The following CPQ variants were observed in gnomAD, a reference collection of about 807,000 sequenced individuals.
CPQ encodes the protein carboxypeptidase Q.
CPQ carries 37 observed loss-of-function variants against 45.7 expected under a neutral mutation model. That is an observed-to-expected ratio of 0.81 (90% CI 0.62 to 1.07). CPQ has a LOEUF of 1.07. CPQ is among the 50% of genes least tolerant of loss of function. The pLI, the probability that CPQ is intolerant of heterozygous loss-of-function variation, is 0.00. For missense variants in CPQ, 537 were observed against 572.9 expected (o/e 0.94, Z 0.64); for synonymous variants, 186 against 205.8 (o/e 0.90, Z 0.82).
At chr8:96,669,215 A>G (rs1280595344) in intron 1 of CPQ, among the ~76,000 whole-genome samples, 6 of 152,186 alleles carry the variant, frequency 3.9e-5, no homozygotes, top group Non-Finnish European at 7.3e-5. Flanking sequence ...CCTAATTGAC[A>G]ATAATGCACC....
intron 1 of CPQ, among the ~76,000 whole-genome samples, chr8:96,685,986 C>T (rs1206898928): frequency 1.3e-5 from 2 of 152,024 alleles, no homozygotes; most frequent in Non-Finnish European, 2.9e-5. Flanking sequence ...TTAATGCAAT[C>T]TATTCTTACT....
chr8:96,879,826 G>T lies in CPQ; in HGVS notation c.670G>T (p.Asp224Tyr). ...TCACACAGGTATTCAGGAATACCAG[G>T]ATGGCGTGCCCAAGATTCCAACAGC... ...SPHTGIQEYQ[D>Y]GVPKIPTACI... The change falls in exon 4 of 8, where the codon GAT becomes TAT. Residue 224 changes from aspartate (D) to tyrosine (Y), a missense_variant. Physicochemically the swap from Asp to Tyr is radical, Grantham distance 160. Coordinates refer to ENST00000220763, the MANE Select transcript of CPQ (RefSeq NM_016134.4). The T allele has an allele frequency of 1.2e-6, 2 of 1,614,038 alleles. No homozygotes were observed. Among genetic ancestry groups the T allele is most frequent in the Non-Finnish European group, 1.7e-6 (2 of 1,179,962 alleles).
At chr8:96,861,171 T>C (rs577343677) in intron 3 of CPQ, among the ~76,000 whole-genome samples, 167 of 152,246 alleles carry the variant, frequency 1.1e-3, no homozygotes, top group Middle Eastern at 6.8e-3. Context: ...ATAAATTGTC[T>C]AGATTGTACT....
At chr8:97,103,263 T>A (rs1376067161) in intron 7 of CPQ, among the ~76,000 whole-genome samples, 1 of 152,222 alleles carries the variant, frequency 6.6e-6, no homozygotes, top group Non-Finnish European at 1.5e-5. Flanking sequence ...TGGGGATCAT[T>A]ATTCAACTTA....
chr8:97,000,121 A>G (rs1423635660), intron 5 of CPQ, among the ~76,000 whole-genome samples: 2 of 151,382 alleles, frequency 1.3e-5, no homozygotes, highest in African/African-American at 4.8e-5. Context: ...TAAGTTCCTT[A>G]TAGATGCTGG....
chr8:97,094,427 C>T (rs543097278), intron 7 of CPQ, among the ~76,000 whole-genome samples: 3 of 152,220 alleles, frequency 2.0e-5, no homozygotes, highest in East Asian at 1.9e-4. Flanking sequence ...GATCAATTCA[C>T]TCCTCTACCT....
intron 2 of CPQ, among the ~76,000 whole-genome samples, chr8:96,815,180 C>G (rs1351587921): frequency 6.6e-6 from 1 of 151,416 alleles, no homozygotes; most frequent in African/African-American, 2.4e-5. Flanking sequence ...GTGAATTTAA[C>G]CTGAACAAAG....
intron 6 of CPQ, among the ~76,000 whole-genome samples, chr8:97,054,437 AAAG>A (rs1209028041): frequency 1.3e-5 from 2 of 152,200 alleles, no homozygotes; most frequent in African/African-American, 2.4e-5. Flanking sequence ...GCCCAAAGGA[AAAG>A]AAGTCATTAT....
chr8:96,846,124 CT>C (rs1014297677), intron 3 of CPQ, among the ~76,000 whole-genome samples: 3 of 152,262 alleles, frequency 2.0e-5, no homozygotes, highest in African/African-American at 4.8e-5. Flanking sequence ...AGCCTCCTAA[CT>C]TTTTTTAAGG....
intron 1 of CPQ, among the ~76,000 whole-genome samples, chr8:96,740,674 G>T (rs1300670400): frequency 6.6e-6 from 1 of 151,266 alleles, no homozygotes; most frequent in Non-Finnish European, 1.5e-5. Context: ...TAGCATGAAG[G>T]GTTGTTGAAT....
chr8:97,134,796 T>C (rs1812021335), intron 7 of CPQ, among the ~76,000 whole-genome samples: 1 of 152,202 alleles, frequency 6.6e-6, no homozygotes, highest in African/African-American at 2.4e-5. Flanking sequence ...TACTAAAATC[T>C]ATTTTCCATC....
chr8:96,702,332 G>C (rs995478156), intron 1 of CPQ, among the ~76,000 whole-genome samples: 2 of 152,064 alleles, frequency 1.3e-5, no homozygotes, highest in Non-Finnish European at 2.9e-5. Flanking sequence ...TGGGCCTCCC[G>C]AAGGCCCGAG....
chr8:97,095,257 G>T (rs1425114653), intron 7 of CPQ, among the ~76,000 whole-genome samples: 1 of 152,084 alleles, frequency 6.6e-6, no homozygotes, highest in African/African-American at 2.4e-5. Flanking sequence ...CATGTCTGAA[G>T]CCAAACTTCT....
intron 3 of CPQ, among the ~76,000 whole-genome samples, chr8:96,864,468 GTC>G (rs1811970861): frequency 6.6e-6 from 1 of 152,024 alleles, no homozygotes; most frequent in South Asian, 2.1e-4. Context: ...CTCATCAGAA[GTC>G]TAAAGGGGCA....
At position 96,835,145 on chromosome 8, in the gene CPQ, T is replaced by C. The variant is rs376994894; in HGVS notation, c.606T>C (p.Ser202=). The C allele has an allele frequency of 1.3e-6, 2 of 1,554,548 alleles. No individual in the cohort carries two copies. The highest frequency in any genetic ancestry group is 2.4e-5 in the East Asian group (1 of 41,814). ...CTGCCAAGGTGGGGGCTTTGGCATC[T>C]CTCATTCGATCCGTGGCCTCCTTCT... ...VEAAKVGALA[S]LIRSVASFSI... is the part of the protein sequence containing the mutation. Residue 202 remains serine, a synonymous_variant, in exon 3 of 8, where the codon TCT becomes TCC. Coordinates refer to ENST00000220763, the MANE Select transcript of CPQ (RefSeq NM_016134.4).
At chr8:96,813,939 C>T (rs547899786) in intron 2 of CPQ, among the ~76,000 whole-genome samples, 1 of 152,062 alleles carries the variant, frequency 6.6e-6, no homozygotes, top group Admixed American at 6.6e-5. Context: ...GATAAATTAT[C>T]TTGTCCAATT....
chr8:96,924,427 A>G (rs984221232), intron 4 of CPQ, among the ~76,000 whole-genome samples: 1 of 152,234 alleles, frequency 6.6e-6, no homozygotes, highest in African/African-American at 2.4e-5. Context: ...AAAATATTGT[A>G]ACCCAAAGCG....
At chr8:96,915,078 A>C (rs913490062) in intron 4 of CPQ, among the ~76,000 whole-genome samples, 2 of 152,160 alleles carry the variant, frequency 1.3e-5, no homozygotes, top group African/African-American at 4.8e-5. Flanking sequence ...ACATGACTGG[A>C]AAGCTTTTTG....
At chr8:97,026,715 C>T (rs1278162840) in intron 5 of CPQ, among the ~76,000 whole-genome samples, 1 of 152,164 alleles carries the variant, frequency 6.6e-6, no homozygotes, top group Non-Finnish European at 1.5e-5. Flanking sequence ...TTTTTAGGGC[C>T]AGCTGTGCAC....
Sources: gnomAD v4.1 joint callset for allele counts (sites outside exome capture counted in the v4.1 genomes callset) on GRCh38, gnomAD v4.1.1 for gene constraint, MANE v1.5 for transcripts, NCBI Gene and HGNC (gene_info 2026-07-23, HGNC 2026-07-21) for gene names.